The following ARL15 variants were observed in gnomAD, a reference collection of about 807,000 sequenced individuals.
ARL15 encodes ARF like GTPase 15.
In ARL15, 19 loss-of-function variants were observed where a neutral mutation model predicts 25.2. The ratio of observed to expected loss-of-function variants is 0.75; its 90% CI spans 0.53 to 1.10. ARL15 has a LOEUF of 1.10. Among genes scored for constraint, ARL15 ranks in the 50% least tolerant of loss-of-function variants. ARL15 has a pLI of 0.00. For synonymous variants in ARL15, 94 were observed against 86.8 expected (o/e 1.08, Z -0.46); for missense variants, 220 against 246.0 (o/e 0.89, Z 0.71).
At chr5:53,921,996 C>T (rs1040246955) in intron 4 of ARL15, among the ~76,000 whole-genome samples, 1 of 152,198 alleles carries the variant, frequency 6.6e-6, no homozygotes, top group Middle Eastern at 3.2e-3. Context: ...TTAATGTACA[C>T]CTTGAAAGCA....
At chr5:54,139,231 C>A (rs537000850) in intron 3 of ARL15, among the ~76,000 whole-genome samples, 7 of 152,236 alleles carry the variant, frequency 4.6e-5, no homozygotes, top group Admixed American at 2.6e-4. Flanking sequence ...TATCACAGCA[C>A]AATCCACAAC....
At chr5:54,063,503 G>A (rs1043441136) in intron 4 of ARL15, among the ~76,000 whole-genome samples, 1 of 152,130 alleles carries the variant, frequency 6.6e-6, no homozygotes. Context: ...TTTAAATGAG[G>A]TACAGCTTTC....
chr5:53,935,447 G>A lies in ARL15; in HGVS notation c.463-48734C>T, dbSNP rs556015500. 7.2e-5 allele frequency among the ~76,000 whole-genome samples: 11 copies of A among 152,302 alleles called. No homozygotes were observed. The South Asian group carries it at 2.3e-3, about 32-fold the overall frequency. On this transcript the variant is annotated intron_variant, in intron 4 of 4. Transcript: ENST00000504924. ...TAGCAAGCCTGTCCTCTTTAGAGGT[G>A]TCTAGCACACATCATTCTGTTTCAG...
chr5:54,125,002 C>A (rs914318621), intron 3 of ARL15, among the ~76,000 whole-genome samples: 1 of 152,026 alleles, frequency 6.6e-6, no homozygotes, highest in Non-Finnish European at 1.5e-5. Flanking sequence ...GATGTCACTT[C>A]CTTGAATAGG....
intron 2 of ARL15, among the ~76,000 whole-genome samples, chr5:54,158,985 A>AT (rs1754322435): frequency 6.6e-6 from 1 of 152,164 alleles, no homozygotes; most frequent in Non-Finnish European, 1.5e-5. Flanking sequence ...GATTCACAGC[A>AT]TTTTGTCCAA....
At chr5:54,029,926 G>A (rs1749923637) in intron 4 of ARL15, among the ~76,000 whole-genome samples, 1 of 152,124 alleles carries the variant, frequency 6.6e-6, no homozygotes. Context: ...GAACCTGGGA[G>A]GTAGAGCTTG....
chr5:53,972,228 G>A (rs761675158), intron 4 of ARL15, among the ~76,000 whole-genome samples: 9 of 152,050 alleles, frequency 5.9e-5, no homozygotes, highest in East Asian at 1.9e-4. Context: ...CAAAGCAAAC[G>A]TTCTTCATAC....
intron 1 of ARL15, among the ~76,000 whole-genome samples, chr5:54,176,599 G>A (rs903826721): frequency 1.3e-5 from 2 of 152,020 alleles, no homozygotes; most frequent in South Asian, 2.1e-4. Flanking sequence ...CAATGCTGTC[G>A]GCAGTCCTGA....
intron 2 of ARL15, 91 bp downstream of exon 2, chr5:54,171,693 A>C: frequency 7.2e-7 from 1 of 1,383,478 alleles, no homozygotes; most frequent in South Asian, 1.5e-5. Flanking sequence ...GCATTAAACT[A>C]TAAGTAGAAG....
intron 1 of ARL15, among the ~76,000 whole-genome samples, chr5:54,174,164 A>C (rs1579873595): frequency 6.6e-6 from 1 of 152,278 alleles, no homozygotes; most frequent in East Asian, 1.9e-4. Context: ...CATGGCATAG[A>C]ATCTACCCTC....
At chr5:54,105,387 T>C (rs1338787719) in intron 4 of ARL15, among the ~76,000 whole-genome samples, 1 of 152,096 alleles carries the variant, frequency 6.6e-6, no homozygotes, top group East Asian at 1.9e-4. Flanking sequence ...ACAACACAAA[T>C]ACATACTACC....
intron 4 of ARL15, among the ~76,000 whole-genome samples, chr5:53,901,376 A>C (rs1745059123): frequency 6.6e-6 from 1 of 152,208 alleles, no homozygotes; most frequent in Non-Finnish European, 1.5e-5. Flanking sequence ...GCAATAGAAT[A>C]AGGTTGTTTA....
At chr5:54,070,249 G>A (rs955104672) in intron 4 of ARL15, among the ~76,000 whole-genome samples, 10 of 151,690 alleles carry the variant, frequency 6.6e-5, no homozygotes, top group Admixed American at 1.3e-4. Flanking sequence ...AAAATTAGCC[G>A]GGCGTGGTGC....
In ARL15 at chr5:54,310,453, C is replaced by A; in HGVS notation, c.27G>T (p.Ala9=). The A allele has an allele frequency of 1.2e-6, 2 of 1,610,234 alleles. No homozygotes were observed. The highest frequency in any genetic ancestry group is 1.7e-6 in the Non-Finnish European group (2 of 1,178,398). ...CTACCAGATAATCCATGTACAGAAA[C>A]GCCTCAGTTATTCGGAGATCAGACA... MSDLRITE[A]FLYMDYLCFR... Residue 9 remains alanine (A), a synonymous_variant, in exon 1 of 5, where the codon GCG becomes GCT. Transcript: ENST00000504924.
intron 4 of ARL15, among the ~76,000 whole-genome samples, chr5:53,926,071 A>G (rs1170461838): frequency 3.3e-5 from 5 of 149,510 alleles, no homozygotes; most frequent in African/African-American, 1.2e-4. Context: ...AAGAAGATAC[A>G]TCATCGCAAT....
intron 4 of ARL15, among the ~76,000 whole-genome samples, chr5:53,947,188 G>C (rs981249516): frequency 6.7e-6 from 1 of 148,270 alleles, no homozygotes; most frequent in Non-Finnish European, 1.5e-5. Flanking sequence ...GTGTGTGTGT[G>C]TGTGTGTGTG....
At chr5:54,128,603 C>T (rs1753331787) in intron 3 of ARL15, among the ~76,000 whole-genome samples, 1 of 152,148 alleles carries the variant, frequency 6.6e-6, no homozygotes, top group South Asian at 2.1e-4. Flanking sequence ...AGCTCACAGT[C>T]TCACAGGTCA....
At chr5:54,300,281 G>A (rs1015009871) in intron 1 of ARL15, among the ~76,000 whole-genome samples, 1 of 152,236 alleles carries the variant, frequency 6.6e-6, no homozygotes, top group African/African-American at 2.4e-5. Flanking sequence ...TGGTACGTTT[G>A]CTCTGTAAGC....
chr5:54,163,599 T>A (rs1355955493), intron 2 of ARL15, among the ~76,000 whole-genome samples: 1 of 151,850 alleles, frequency 6.6e-6, no homozygotes, highest in Non-Finnish European at 1.5e-5. Flanking sequence ...TATAGGTCTA[T>A]CCAGGTTTTC....
Sources: gnomAD v4.1 joint callset for allele counts (sites outside exome capture counted in the v4.1 genomes callset) on GRCh38, gnomAD v4.1.1 for gene constraint, MANE v1.5 for transcripts, NCBI Gene and HGNC (gene_info 2026-07-23, HGNC 2026-07-21) for gene names.